Variants in SYT13 observed in about 807,000 individuals in gnomAD.
The protein encoded by SYT13 is synaptotagmin 13, also known as synaptotagmin-13.
SYT13 carries 21 observed loss-of-function variants against 38.6 expected under a neutral mutation model. That is an observed-to-expected ratio of 0.54 (90% confidence interval 0.39 to 0.78). The LOEUF (loss-of-function observed/expected upper bound fraction) is 0.78. Among genes scored for constraint, SYT13 ranks in the 30% least tolerant of loss-of-function variants. The probability of loss-of-function intolerance (pLI) is 0.00; values close to 1 mark genes in which losing one functional copy is unlikely to be tolerated. For synonymous variants in SYT13, 241 were observed against 237.6 expected, an observed-to-expected ratio of 1.01 and a Z score of -0.13; for missense variants, 495 against 548.7, an observed-to-expected ratio of 0.90 and a Z score of 0.98.
At chr11:45,269,651 G>T in intron 1 of SYT13, 1 of 349,236 alleles carries the variant, frequency 2.9e-6, no homozygotes, top group Non-Finnish European at 5.2e-6. Flanking sequence ...AGGAAACTGA[G>T]GCTCAGAGAG....
intron 3 of SYT13, chr11:45,253,967 A>G (rs1221937827): frequency 4.3e-6 from 1 of 231,324 alleles, no homozygotes; most frequent in Non-Finnish European, 8.3e-6. Context: ...CATCTGCCAG[A>G]TACAGATGGC....
rs1034651357 is a variant in SYT13, at chr11:45,260,570, TAGAATC to T, written c.184-4685_184-4680del. ...CCATGGGTGCAGGAGGGACAGGACTTAGAATCAGATATTCTCTGTCTACGTGTCCCT... is the reference window on the plus strand; with the variant it reads ...CCATGGGTGCAGGAGGGACAGGACTTAGATATTCTCTGTCTACGTGTCCCT... On this transcript the variant is annotated intron_variant, in intron 1 of 5. Coordinates refer to ENST00000020926, the MANE Select transcript of SYT13 (RefSeq NM_020826.3). Among the ~76,000 whole-genome samples, 10 of 152,176 alleles carry T rather than the reference TAGAATC, an allele frequency of 6.6e-5. No individual in the cohort carries two copies. In the East Asian group the frequency reaches 1.9e-3, roughly 29 times the overall value.
rs116983349 is a variant in SYT13 at position 45,278,967 on chromosome 11, C to T, written c.183+7058G>A. ...GGAGGGCCCTGGGCTGCACCCAATG[C>T]CTGAAGTGTGATGGCGGCAGCAAAG... On this transcript the variant is annotated intron_variant, in intron 1 of 5. Transcript: ENST00000020926. 3.1e-3 allele frequency among the ~76,000 whole-genome samples: 471 copies of T among 152,318 alleles called. 1 individual carries two copies. Among genetic ancestry groups the T allele is most frequent in the Non-Finnish European group, 4.8e-3 (329 of 68,030 alleles).
intron 1 of SYT13, among the ~76,000 whole-genome samples, chr11:45,268,244 C>T (rs759825827): frequency 2.0e-5 from 3 of 152,236 alleles, no homozygotes; most frequent in Non-Finnish European, 4.4e-5. Context: ...GCCAACTGCC[C>T]GAACAACACT....
chr11:45,283,333 C>G (rs1855096119), intron 1 of SYT13, among the ~76,000 whole-genome samples: 1 of 152,176 alleles, frequency 6.6e-6, no homozygotes, highest in Non-Finnish European at 1.5e-5. Flanking sequence ...TTGGACACCT[C>G]TGTTGTGATT....
rs1469141974 is a variant in SYT13 at position 45,252,678 on chromosome 11, C to T, written c.589G>A (p.Gly197Arg). 14 of 1,598,564 alleles carry T rather than the reference C, an allele frequency of 8.8e-6. No individual in the cohort carries two copies. The highest frequency in any genetic ancestry group is 1.0e-5 in the Non-Finnish European group (12 of 1,167,832). Residue 197 changes from glycine to arginine, a missense_variant, in exon 4 of 6, where the codon GGG becomes AGG. Gly to Arg is a moderately radical substitution (Grantham distance 125). Transcript: ENST00000020926. This position sits in a 1 kb window ranked among gnomAD's most constrained non-coding sequence, Gnocchi z 4.3. Reference sequence around the variant, plus strand: ...GAGCCGGTCCTATTGGCCACACTCCCTTGGACGTAGCAGTCACAGCCTCCG... The same window carrying T: ...GAGCCGGTCCTATTGGCCACACTCCTTTGGACGTAGCAGTCACAGCCTCCG... Reference protein sequence around the residue: ...HDGGCDCYVQGSVANRTGSVE... With the variant: ...HDGGCDCYVQRSVANRTGSVE...
intron 1 of SYT13, among the ~76,000 whole-genome samples, chr11:45,269,992 G>A (rs902303946): frequency 1.3e-5 from 2 of 152,108 alleles, no homozygotes; most frequent in Non-Finnish European, 2.9e-5. Context: ...CAGTAATCTG[G>A]ACTTGAACAC....
At chr11:45,269,131 C>T (rs1192312741) in intron 1 of SYT13, among the ~76,000 whole-genome samples, 3 of 151,950 alleles carry the variant, frequency 2.0e-5, no homozygotes, top group Non-Finnish European at 4.4e-5. Context: ...GGGTTGGGCA[C>T]CCTGAAGTCT....
At position 45,244,293 on chromosome 11, in the gene SYT13, C is replaced by T. The variant is rs757093573; in HGVS notation, c.1040G>A (p.Arg347Gln). 7.4e-6 allele frequency: 12 copies of T among 1,613,854 alleles called. No individual in the cohort carries two copies. The highest frequency in any genetic ancestry group is 1.3e-5 in the African/African-American group (1 of 74,894). Residue 347 changes from arginine (R) to glutamine (Q), a missense_variant, in exon 6 of 6, where the codon CGA (arginine) becomes CAA (glutamine). Transcript: ENST00000020926. ...CACGGGGTTGATCTTGTGCTTAGCT[C>T]GTTTAGTCTGCTTCTTCTTCAGCTT... ...ARKLKKKQTK[R>Q]AKHKINPVWN... is the part of the protein sequence containing the mutation.
intron 1 of SYT13, among the ~76,000 whole-genome samples, chr11:45,259,549 C>T (rs1395138849): frequency 6.6e-6 from 1 of 152,230 alleles, no homozygotes; most frequent in East Asian, 1.9e-4. Context: ...TAAAATGCAC[C>T]CCTAGAGCAA....
At position 45,282,990 on chromosome 11, in the gene SYT13, T is replaced by TA. The variant is rs1054165787; in HGVS notation, c.183+3034dup. On this transcript the variant is annotated intron_variant, in intron 1 of 5. Transcript: ENST00000020926. ...TGGTGAGCCTTGTCTCTACAAAACATAAAAAAAATTAGTCAGGCGTGGTGG... is the reference window on the plus strand; with the variant it reads ...TGGTGAGCCTTGTCTCTACAAAACATAAAAAAAAATTAGTCAGGCGTGGTGG... 5.9e-5 allele frequency among the ~76,000 whole-genome samples: 9 copies of TA among 151,688 alleles called. No homozygotes were observed. The East Asian group carries it at 7.8e-4, about 13-fold the overall frequency.
Position 45,254,287 on chromosome 11 carries a change from A to G in SYT13, c.527T>C (p.Phe176Ser), listed in dbSNP as rs752163179. 47 of 1,612,162 alleles carry G rather than the reference A, an allele frequency of 2.9e-5. No individual in the cohort carries two copies. Among genetic ancestry groups the G allele is most frequent in the Admixed American group, 1.0e-4 (6 of 59,678 alleles). Residue 176 changes from phenylalanine to serine, a missense_variant, in exon 3 of 6, where the codon TTT (phenylalanine) becomes TCT (serine). Coordinates refer to ENST00000020926, the MANE Select transcript of SYT13 (RefSeq NM_020826.3). The part of the protein sequence containing the change: ...LDYDCQKAEL[F>S]VTRLEAVTSN... ...AGCCATACCTTCCAGGCGAGTCACA[A>G]ACAATTCTGCCTTCTGACAGTCATA...
intron 1 of SYT13, chr11:45,285,800 C>T: frequency 1.7e-5 from 12 of 723,132 alleles, no homozygotes; most frequent in South Asian, 1.6e-4. Flanking sequence ...CACAAGCTCG[C>T]CGCTCCCTAA....
chr11:45,250,297 G>A (rs1302914649), intron 4 of SYT13, among the ~76,000 whole-genome samples: 1 of 152,232 alleles, frequency 6.6e-6, no homozygotes, highest in South Asian at 2.1e-4. Flanking sequence ...TAATTATTAG[G>A]ATGGATGAGC....
chr11:45,254,399 C>T lies in SYT13; in HGVS notation c.415G>A (p.Val139Met), dbSNP rs1194728024. The T allele has an allele frequency of 1.2e-6, 2 of 1,612,058 alleles. No homozygotes were observed. Among genetic ancestry groups the T allele is most frequent in the Non-Finnish European group, 1.7e-6 (2 of 1,179,358 alleles). The change falls in exon 3 of 6, where the codon GTG becomes ATG. Residue 139 changes from valine to methionine, a missense_variant. Transcript: ENST00000020926. ...GTCTCCATGACACAGACATCCTCCACCACACCTGTTAAGAAAGTCGAAATC... is the reference window on the plus strand; with the variant it reads ...GTCTCCATGACACAGACATCCTCCATCACACCTGTTAAGAAAGTCGAAATC... ...ELFILPQNGV[V>M]EDVCVMETWN...
chr11:45,265,056 G>A (rs373122037), intron 1 of SYT13, among the ~76,000 whole-genome samples: 12 of 152,244 alleles, frequency 7.9e-5, no homozygotes, highest in South Asian at 6.2e-4. Flanking sequence ...TGAGAGCAAC[G>A]TGACTCATCC....
chr11:45,244,325 C>T lies in SYT13; in HGVS notation c.1008G>A (p.Gln336=), dbSNP rs769977717. ...TCTGCTTCTTCTTCAGCTTCCGAGC[C>T]TGGTGCTTCAAGGTCACCTTGACAG... ...DVSVKVTLKH[Q]ARKLKKKQTK... Residue 336 remains glutamine, a synonymous_variant, in exon 6 of 6, where the codon CAG becomes CAA. Coordinates refer to ENST00000020926, the MANE Select transcript of SYT13 (RefSeq NM_020826.3). The T allele has an allele frequency of 1.2e-6, 2 of 1,613,846 alleles. No homozygotes were observed. Among genetic ancestry groups the T allele is most frequent in the South Asian group, 2.2e-5 (2 of 91,066 alleles).
At position 45,254,418 on chromosome 11, in the gene SYT13, C is replaced by T. The variant is rs1053014908; in HGVS notation, c.410-14G>A. On this transcript the variant is annotated splice_polypyrimidine_tract_variant and intron_variant, in intron 2 of 5. Coordinates refer to ENST00000020926, the MANE Select transcript of SYT13 (RefSeq NM_020826.3). ...CCTCCACCACACCTGTTAAGAAAGT[C>T]GAAATCGTCACTGCCACCCACACTG... is the stretch of plus-strand genomic sequence containing the variant. 8.1e-6 allele frequency: 13 copies of T among 1,608,978 alleles called. No homozygotes were observed. Among genetic ancestry groups the T allele is most frequent in the South Asian group, 2.2e-5 (2 of 89,796 alleles).
intron 1 of SYT13, among the ~76,000 whole-genome samples, chr11:45,281,573 A>C (rs906505844): frequency 1.6e-4 from 25 of 152,034 alleles, no homozygotes; most frequent in African/African-American, 5.8e-4. Flanking sequence ...AGGCTGAGGC[A>C]GGAGAATCAC....
Sources: allele counts gnomAD v4.1 joint callset (sites outside exome capture counted in the v4.1 genomes callset), GRCh38; gene constraint gnomAD v4.1.1; non-coding constraint Gnocchi (gnomAD v3.1); transcripts MANE v1.5; gene names NCBI Gene and HGNC (gene_info 2026-07-23, HGNC 2026-07-21).